Variants in GPC4 observed in about 807,000 individuals in gnomAD.
GPC4 encodes glypican 4, also known as glypican-4.
GPC4 carries 10 observed loss-of-function variants against 35.0 expected under a neutral mutation model. The ratio of observed to expected loss-of-function variants is 0.29; its 90% CI spans 0.18 to 0.48. GPC4 has a LOEUF of 0.48. GPC4 is among the 20% of genes least tolerant of loss of function. The pLI is 0.99. For synonymous variants in GPC4, 167 were observed against 170.2 expected, an observed-to-expected ratio of 0.98 and a Z score of 0.15; for missense variants, 322 against 451.3, an observed-to-expected ratio of 0.71 and a Z score of 2.60.
intron 1 of GPC4, among the ~76,000 whole-genome samples, chrX:133,411,327 C>T (rs1816774660): frequency 8.9e-6 from 1 of 112,237 alleles, no homozygotes; most frequent in South Asian, 3.7e-4. Flanking sequence ...TAACCCACTG[C>T]CTCACTCTTA....
chrX:133,313,449 T>A (rs2068324880), intron 3 of GPC4, among the ~76,000 whole-genome samples: 1 of 112,954 alleles, frequency 8.9e-6, no homozygotes. Context: ...CAGTAAAATT[T>A]TGGCTAACCA....
At chrX:133,335,763 G>GT (rs1195784032) in intron 2 of GPC4, among the ~76,000 whole-genome samples, 1 of 111,411 alleles carries the variant, frequency 9.0e-6, no homozygotes, top group East Asian at 2.8e-4. Context: ...TGTTGAAAAG[G>GT]TTTTTTTTCA....
chrX:133,404,815 G>T, intron 1 of GPC4, among the ~76,000 whole-genome samples: 1 of 95,576 alleles, frequency 1.0e-5, no homozygotes. Flanking sequence ...TCATGCCACT[G>T]CATTCCAGCC....
At chrX:133,310,916 C>A (rs2068311782) in intron 4 of GPC4, among the ~76,000 whole-genome samples, 2 of 110,690 alleles carry the variant, frequency 1.8e-5, no homozygotes, top group Non-Finnish European at 3.8e-5. Context: ...ATCGCTTGAA[C>A]CCAGGAGTTT....
At chrX:133,323,142 G>T (rs758229528) in intron 3 of GPC4, among the ~76,000 whole-genome samples, 1 of 111,500 alleles carries the variant, frequency 9.0e-6, no homozygotes, top group East Asian at 2.8e-4. Context: ...CTTCTCTGTT[G>T]CTTCTGCTCA....
At position 133,305,671 on chromosome X, in the gene GPC4, G is replaced by C. The variant is rs937408716; in HGVS notation, c.1155+101C>G. ...CCTATTTGCTTGAAAAGTGACACCTGAAAGACCCACACTTGTTAGCCTTCC... is the reference window on the plus strand; with the variant it reads ...CCTATTTGCTTGAAAAGTGACACCTCAAAGACCCACACTTGTTAGCCTTCC... On this transcript the variant is annotated intron_variant, in intron 6 of 8. Transcript: ENST00000370828. 19 of 1,053,164 alleles carry C rather than the reference G, an allele frequency of 1.8e-5. No homozygotes were observed. In the Admixed American group the frequency reaches 3.8e-4, roughly 21 times the overall value. The allele number at this position is 1,053,164 out of a possible 1,213,427, so 86.8% of individuals were successfully genotyped here. A position where few individuals can be genotyped will look rare whatever the true frequency, so the allele number is the denominator to read the frequency against.
At chrX:133,308,160 A>G (rs893214159) in intron 4 of GPC4, among the ~76,000 whole-genome samples, 5 of 112,225 alleles carry the variant, frequency 4.5e-5, no homozygotes, top group African/African-American at 1.6e-4. Context: ...GCCAGCCCTG[A>G]TAAGAAGCCT....
At chrX:133,337,207 T>C (rs1603070227) in intron 2 of GPC4, among the ~76,000 whole-genome samples, 1 of 112,448 alleles carries the variant, frequency 8.9e-6, no homozygotes, top group East Asian at 2.8e-4. Context: ...AGTGTTAACA[T>C]ATTTATTGAA....
At chrX:133,379,198 C>T (rs1045188492) in intron 1 of GPC4, among the ~76,000 whole-genome samples, 1 of 112,519 alleles carries the variant, frequency 8.9e-6, no homozygotes, top group African/African-American at 3.2e-5. Flanking sequence ...CCTAAGCACC[C>T]ATCAACTGAT....
chrX:133,332,306 T>C (rs2068424153), intron 2 of GPC4, among the ~76,000 whole-genome samples: 1 of 111,867 alleles, frequency 8.9e-6, no homozygotes, highest in South Asian at 3.7e-4. Flanking sequence ...ATGAAATACA[T>C]GTTGCTACGT....
In GPC4 at chrX:133,311,253, C is replaced by A; in HGVS notation, c.877+5G>T. 1 of 1,208,841 alleles carries A rather than the reference C, an allele frequency of 8.3e-7. No individual in the cohort carries two copies. The highest frequency in any genetic ancestry group is 1.1e-6 in the Non-Finnish European group (1 of 893,580). Reference sequence around the variant, plus strand: ...GCAACACAAATATGTTAACCACTTGCTCACCTATGAAATTGTTCCATTCAA... The same window carrying A: ...GCAACACAAATATGTTAACCACTTGATCACCTATGAAATTGTTCCATTCAA... On this transcript the variant is annotated splice_donor_5th_base_variant and intron_variant, in intron 4 of 8. Coordinates refer to ENST00000370828, the MANE Select transcript of GPC4 (RefSeq NM_001448.3).
At chrX:133,341,057 G>C (rs1393280495) in intron 1 of GPC4, among the ~76,000 whole-genome samples, 1 of 112,195 alleles carries the variant, frequency 8.9e-6, no homozygotes, top group African/African-American at 3.2e-5. Flanking sequence ...GAATATCTTA[G>C]ATCTCATTAG....
intron 1 of GPC4, among the ~76,000 whole-genome samples, chrX:133,377,276 A>G (rs749671296): frequency 2.7e-5 from 3 of 111,655 alleles, no homozygotes; most frequent in African/African-American, 9.8e-5. Flanking sequence ...ACCTCCCAAC[A>G]TCTGTTGTCA....
At chrX:133,383,975 T>C (rs968430853) in intron 1 of GPC4, among the ~76,000 whole-genome samples, 2 of 111,682 alleles carry the variant, frequency 1.8e-5, no homozygotes, top group East Asian at 2.8e-4. Flanking sequence ...AGGCTATGCA[T>C]GTGTTGGGGT....
intron 1 of GPC4, among the ~76,000 whole-genome samples, chrX:133,362,920 C>T (rs1478626067): frequency 1.8e-5 from 2 of 111,533 alleles, no homozygotes; most frequent in African/African-American, 3.3e-5. Flanking sequence ...CAGGTAAATC[C>T]GGACAAAAAA....
chrX:133,397,539 A>C (rs961882315), intron 1 of GPC4, among the ~76,000 whole-genome samples: 11 of 109,393 alleles, frequency 1.0e-4, no homozygotes, highest in African/African-American at 3.3e-4. Context: ...GGTGGGTGAC[A>C]GAGTAAGACC....
intron 2 of GPC4, among the ~76,000 whole-genome samples, chrX:133,332,957 G>C (rs1419692430): frequency 1.8e-5 from 2 of 112,429 alleles, no homozygotes; most frequent in Non-Finnish European, 3.8e-5. Flanking sequence ...TCTGCAGAAA[G>C]GGTGTGTCCA....
At position 133,304,610 on chromosome X, in the gene GPC4, T is replaced by C. The variant is rs370213463; in HGVS notation, c.1292+115A>G. On this transcript the variant is annotated intron_variant, in intron 7 of 8. Transcript: ENST00000370828. ...ACCTAGAAGCCTTCCATGTTGTTGC[T>C]ACCTACTGTGAATTGCTTCCTGATG... 2.6e-5 allele frequency: 23 copies of C among 875,698 alleles called. No individual in the cohort carries two copies. The East Asian group carries it at 3.8e-4, about 14-fold the overall frequency. 72.2% of individuals were successfully genotyped at this position (875,698 alleles called of 1,213,427 possible).
chrX:133,322,826 T>C (rs1267122109), intron 3 of GPC4, among the ~76,000 whole-genome samples: 1 of 112,314 alleles, frequency 8.9e-6, no homozygotes, highest in African/African-American at 3.2e-5. Flanking sequence ...TGGCCTACAA[T>C]TTGGCTTTCC....
Sources: allele counts gnomAD v4.1 joint callset (sites outside exome capture counted in the v4.1 genomes callset), GRCh38; gene constraint gnomAD v4.1.1; transcripts MANE v1.5; gene names NCBI Gene and HGNC (gene_info 2026-07-23, HGNC 2026-07-21).